SPATA31C2: variants seen among roughly 807,000 people sequenced by gnomAD.
SPATA31C2 encodes SPATA31 subfamily C member 2.
A neutral mutation model predicts 11.4 loss-of-function variants in SPATA31C2; 5 were observed. The observed-to-expected ratio is 0.44, with a 90% CI of 0.23 to 0.92. The LOEUF (loss-of-function observed/expected upper bound fraction) is 0.92. Among genes scored for constraint, SPATA31C2 ranks in the 40% least tolerant of loss-of-function variants. The pLI, the probability that SPATA31C2 is intolerant of heterozygous loss-of-function variation, is 0.24. For synonymous variants in SPATA31C2, 515 were observed against 538.7 expected (o/e 0.96, Z 0.61); for missense variants, 1,353 against 1,368.6 (o/e 0.99, Z 0.18).
Position 88,132,082 on chromosome 9 carries a change from G to C in SPATA31C2, c.955C>G (p.Leu319Val), listed in dbSNP as rs1372880427. The C allele has an allele frequency of 6.2e-7, 1 of 1,610,792 alleles. No individual in the cohort carries two copies. Among genetic ancestry groups the C allele is most frequent in the Admixed American group, 1.7e-5 (1 of 59,834 alleles). The change falls in exon 4 of 4, where the codon CTG (leucine) becomes GTG (valine). Residue 319 changes from leucine (L) to valine (V), a missense_variant. Transcript: ENST00000324915. ...GACAGGGGCTGGGCCTGGAAAAGCA[G>C]TGGGGACATTGTAGTGTCCCTTTGG... ...SRQRDTTMSP[L>V]LFQAQPLSHL...
chr9:88,135,248 C>T (rs948074920), intron 1 of SPATA31C2, among the ~76,000 whole-genome samples: 1 of 118,602 alleles, frequency 8.4e-6, no homozygotes, highest in Non-Finnish European at 1.6e-5. Flanking sequence ...TTACCTGGTT[C>T]CTTTTATCTA....
At chr9:88,134,105 G>T (rs1260349788) in intron 1 of SPATA31C2, among the ~76,000 whole-genome samples, 1 of 149,156 alleles carries the variant, frequency 6.7e-6, no homozygotes. Context: ...CACTGAGCCG[G>T]TATCGCTCCA....
chr9:88,130,894 G>C lies in SPATA31C2; in HGVS notation c.2143C>G (p.Leu715Val). The change falls in exon 4 of 4, where the codon CTG becomes GTG. Residue 715 changes from leucine (L) to valine (V), a missense_variant. Leu to Val is a conservative substitution (Grantham distance 32). This residue lies in a region of SPATA31C2 where 1,075 missense variants were observed against 992.8 expected (regional missense o/e 1.08). Coordinates refer to ENST00000324915, the MANE Select transcript of SPATA31C2 (RefSeq NM_001350978.3). ...TFLGEPPMAS[L>V]RKQVLTKPSV... ...GGTTTGGTCAGCACCTGCTTTCTCA[G>C]ACTTGCCATTGGTGGCTCTCCAAGG... 3 of 1,613,794 alleles carry C rather than the reference G, an allele frequency of 1.9e-6. No individual in the cohort carries two copies. The highest frequency in any genetic ancestry group is 2.5e-6 in the Non-Finnish European group (3 of 1,179,876).
intron 1 of SPATA31C2, among the ~76,000 whole-genome samples, chr9:88,137,894 A>T (rs1825701121): frequency 9.5e-6 from 1 of 105,570 alleles, no homozygotes; most frequent in Non-Finnish European, 1.7e-5. Flanking sequence ...CTGATGAGCC[A>T]GGGCTCAGGG....
Position 88,137,346 on chromosome 9 carries a change from C to T in SPATA31C2, c.189+912G>A, listed in dbSNP as rs572901683. Among the ~76,000 whole-genome samples, 360 of 147,434 alleles carry T rather than the reference C, an allele frequency of 2.4e-3. 23 individuals are homozygous for T. Among genetic ancestry groups the T allele is most frequent in the African/African-American group, 8.5e-3 (345 of 40,412 alleles). On this transcript the variant is annotated intron_variant, in intron 1 of 3. Transcript: ENST00000324915. The stretch of plus-strand genomic sequence containing the variant: ...TTTATTAAAAAAAAAAAGGATCAGC[C>T]GGGCGCGGTGGCTCATGCCTGTAAT...
At position 88,131,298 on chromosome 9, in the gene SPATA31C2, A is replaced by C. The variant is rs1315912262; in HGVS notation, c.1739T>G (p.Met580Arg). Residue 580 changes from methionine (M) to arginine (R), a missense_variant, in exon 4 of 4, where the codon ATG becomes AGG. Coordinates refer to ENST00000324915, the MANE Select transcript of SPATA31C2 (RefSeq NM_001350978.3). ...NHIENILKAHMSRKLGQTNEG... is the reference protein window; with the variant it reads ...NHIENILKAHRSRKLGQTNEG... ...GTTGGTCTGGCCCAACTTTCTGCTC[A>C]TGTGGGCTTTCAGGATGTTTTCTAT... 7 of 1,611,704 alleles carry C rather than the reference A, an allele frequency of 4.3e-6. No individual in the cohort carries two copies. Among genetic ancestry groups the C allele is most frequent in the Non-Finnish European group, 5.9e-6 (7 of 1,179,870 alleles).
rs1825590028 is a variant in SPATA31C2 at position 88,131,337 on chromosome 9, G to C, written c.1700C>G (p.Thr567Arg). Residue 567 changes from threonine (T) to arginine (R), a missense_variant, in exon 4 of 4, where the codon ACA becomes AGA. By Grantham distance (71) the Thr-to-Arg change is moderately conservative. Around this residue, in one of 6 missense-constraint regions of SPATA31C2, gnomAD observed 1,075 missense variants for 992.8 expected, o/e 1.08. Transcript: ENST00000324915. The part of the protein sequence containing the change: ...SDSGSDLLRR[T>R]ERNHIENILK... ...GATGTTTTCTATATGATTCCTCTCT[G>C]TGCGTCTTAATAAATCACTTCCTGA... 1.2e-6 allele frequency: 2 copies of C among 1,611,798 alleles called. No homozygotes were observed. Among genetic ancestry groups the C allele is most frequent in the Non-Finnish European group, 1.7e-6 (2 of 1,179,872 alleles).
At chr9:88,136,867 C>T (rs1318098511) in intron 1 of SPATA31C2, among the ~76,000 whole-genome samples, 3 of 128,330 alleles carry the variant, frequency 2.3e-5, no homozygotes, top group African/African-American at 9.4e-5. Context: ...ACTACCACCC[C>T]TCCACCCTGC....
In SPATA31C2 at chr9:88,130,565, A is replaced by T. The variant is rs1452151654; in HGVS notation, c.2472T>A (p.Arg824=). 4.3e-6 allele frequency: 7 copies of T among 1,613,224 alleles called. No individual in the cohort carries two copies. Among genetic ancestry groups the T allele is most frequent in the Admixed American group, 1.7e-5 (1 of 59,938 alleles). The change falls in exon 4 of 4, where the codon CGT becomes CGA. Residue 824 remains arginine (R), a synonymous_variant. Transcript: ENST00000324915. ...TGCTGGCGCCTGGAGCCTTGAAACC[A>T]CGCACATCCTCACTTGTGGCTTGGA... ...ANLQATSEDV[R]GFKAPGASKS...
At chr9:88,137,469 A>G (rs1825696338) in intron 1 of SPATA31C2, among the ~76,000 whole-genome samples, 1 of 145,656 alleles carries the variant, frequency 6.9e-6, no homozygotes, top group African/African-American at 2.5e-5. Flanking sequence ...TAAAAATACA[A>G]AAATTAGCCA....
chr9:88,129,711 C>T lies in SPATA31C2; in HGVS notation c.3326G>A (p.Ser1109Asn), dbSNP rs1825551314. The T allele has an allele frequency of 1.2e-6, 2 of 1,603,298 alleles. No individual in the cohort carries two copies. The highest frequency in any genetic ancestry group is 8.5e-7 in the Non-Finnish European group (1 of 1,173,374). ...PFYSEHSRML[S>N]YAASSQQATL... is the part of the protein sequence containing the mutation. ...GGCTTGTTGACTGCTGGCTGCATAG[C>T]TCAGCATTCTGCTGTGTTCTGAGTA... The change falls in exon 4 of 4, where the codon AGC becomes AAC. Residue 1109 changes from serine to asparagine, a missense_variant. Coordinates refer to ENST00000324915, the MANE Select transcript of SPATA31C2 (RefSeq NM_001350978.3).
At chr9:88,136,568 T>A (rs1185283375) in intron 1 of SPATA31C2, among the ~76,000 whole-genome samples, 3 of 147,158 alleles carry the variant, frequency 2.0e-5, no homozygotes, top group Non-Finnish European at 4.5e-5. Context: ...ATTAATAAAT[T>A]CTTAGAATTG....
At position 88,131,291 on chromosome 9, in the gene SPATA31C2, T is replaced by G; in HGVS notation, c.1746A>C (p.Arg582Ser). Reference sequence around the variant, plus strand: ...AGCCCTCGTTGGTCTGGCCCAACTTTCTGCTCATGTGGGCTTTCAGGATGT... The same window carrying G: ...AGCCCTCGTTGGTCTGGCCCAACTTGCTGCTCATGTGGGCTTTCAGGATGT... ...IENILKAHMSRKLGQTNEGLI... is the reference protein window; with the variant it reads ...IENILKAHMSSKLGQTNEGLI... The change falls in exon 4 of 4, where the codon AGA (arginine) becomes AGC (serine). Residue 582 changes from arginine to serine, a missense_variant. Physicochemically the swap from Arg to Ser is moderately radical, Grantham distance 110. This residue lies in a region of SPATA31C2 where 1,075 missense variants were observed against 992.8 expected (regional missense o/e 1.08). Coordinates refer to ENST00000324915, the MANE Select transcript of SPATA31C2 (RefSeq NM_001350978.3). The G allele has an allele frequency of 6.2e-7, 1 of 1,611,844 alleles. No homozygotes were observed. The highest frequency in any genetic ancestry group is 8.5e-7 in the Non-Finnish European group (1 of 1,179,872).
rs614696 is a variant in SPATA31C2, at chr9:88,130,449, T to C, written c.2588A>G (p.Lys863Arg). The C allele has an allele frequency of 6.2e-7, 1 of 1,612,814 alleles. No homozygotes were observed. Among genetic ancestry groups the C allele is most frequent in the Non-Finnish European group, 8.5e-7 (1 of 1,179,462 alleles). ...AGGCTGGGTCTCTGACTTCGTGGCCTTTCCAGGCTCAAATTCACTAACAGC... is the reference window on the plus strand; with the variant it reads ...AGGCTGGGTCTCTGACTTCGTGGCCCTTCCAGGCTCAAATTCACTAACAGC... The part of the protein sequence containing the change: ...EEAVSEFEPG[K>R]ATKSETQPQV... Residue 863 changes from lysine (K) to arginine (R), a missense_variant, in exon 4 of 4, where the codon AAG becomes AGG. By Grantham distance (26) the Lys-to-Arg change is conservative. Coordinates refer to ENST00000324915, the MANE Select transcript of SPATA31C2 (RefSeq NM_001350978.3).
chr9:88,132,242 A>G lies in SPATA31C2; in HGVS notation c.795T>C (p.Asp265=). 1 of 1,610,760 alleles carries G rather than the reference A, an allele frequency of 6.2e-7. No individual in the cohort carries two copies. The highest frequency in any genetic ancestry group is 8.5e-7 in the Non-Finnish European group (1 of 1,177,688). Residue 265 remains aspartate (D), a synonymous_variant, in exon 4 of 4, where the codon GAT becomes GAC. Coordinates refer to ENST00000324915, the MANE Select transcript of SPATA31C2 (RefSeq NM_001350978.3). Reference sequence around the variant, plus strand: ...AGATGCCTGGGACAGAAGCCGCCAAATCCTCACGTGGAGACAAGCTTTGAG... The same window carrying G: ...AGATGCCTGGGACAGAAGCCGCCAAGTCCTCACGTGGAGACAAGCTTTGAG... ...TVPQSLSPRE[D]LAASVPGISG...
rs564879465 is a variant in SPATA31C2, at chr9:88,132,159, G to A, written c.878C>T (p.Thr293Ile). The change falls in exon 4 of 4, where the codon ACC (threonine) becomes ATC (isoleucine). Residue 293 changes from threonine to isoleucine, a missense_variant. This residue lies in a region of SPATA31C2 where 1,075 missense variants were observed against 992.8 expected (regional missense o/e 1.08). Coordinates refer to ENST00000324915, the MANE Select transcript of SPATA31C2 (RefSeq NM_001350978.3). Reference sequence around the variant, plus strand: ...CGAGTTGAAGACGCACCAGGTTTTGGTAGTCTCCTGCGACCAGGAGAGGGC... The same window carrying A: ...CGAGTTGAAGACGCACCAGGTTTTGATAGTCTCCTGCGACCAGGAGAGGGC... ...VSALSWSQETTKTWCVFNSSV... is the reference protein window; with the variant it reads ...VSALSWSQETIKTWCVFNSSV... The A allele has an allele frequency of 9.3e-6, 15 of 1,610,640 alleles. No individual in the cohort carries two copies. Among genetic ancestry groups the A allele is most frequent in the African/African-American group, 6.7e-5 (5 of 74,964 alleles).
chr9:88,129,578 T>C lies in SPATA31C2; in HGVS notation c.*54A>G, dbSNP rs1437129211. Reference sequence around the variant, plus strand: ...ATACAGCTTTCTTGGGGAGCAAGAGTTGGGGATGTCGCAGGCCCCATTGCT... The same window carrying C: ...ATACAGCTTTCTTGGGGAGCAAGAGCTGGGGATGTCGCAGGCCCCATTGCT... On this transcript the variant is annotated 3_prime_UTR_variant, in exon 4 of 4. Transcript: ENST00000324915. 1 of 1,600,452 alleles carries C rather than the reference T, an allele frequency of 6.2e-7. No homozygotes were observed. Among genetic ancestry groups the C allele is most frequent in the Non-Finnish European group, 8.5e-7 (1 of 1,172,292 alleles).
Position 88,129,637 on chromosome 9 carries a change from G to A in SPATA31C2, c.3400C>T (p.Gln1134Ter). 5.6e-6 allele frequency: 9 copies of A among 1,603,026 alleles called. 1 individual carries two copies. The highest frequency in any genetic ancestry group is 3.4e-4 in the Middle Eastern group (2 of 5,960). ...RPNRDRQIRD[Q>*] ...CACCGGACACTTTTCAAGGGCTACTGATCTCTGATTTGTCTGTCTCTGTTG... is the reference window on the plus strand; with the variant it reads ...CACCGGACACTTTTCAAGGGCTACTAATCTCTGATTTGTCTGTCTCTGTTG... Residue 1134 changes from glutamine to a stop codon, truncating the protein, a stop_gained, in exon 4 of 4, where the codon CAG (glutamine) becomes TAG (stop). Transcript: ENST00000324915. LOFTEE classifies it high-confidence loss of function.
At chr9:88,135,738 C>T (rs1257714635) in intron 1 of SPATA31C2, among the ~76,000 whole-genome samples, 184 of 130,324 alleles carry the variant, frequency 1.4e-3, no homozygotes, top group Non-Finnish European at 1.7e-3. Flanking sequence ...AGGATGGCCT[C>T]GATCTCCGGA....
Sources: gnomAD v4.1 joint callset for allele counts (sites outside exome capture counted in the v4.1 genomes callset) on GRCh38, gnomAD v4.1.1 for gene constraint, gnomAD v4.1.1 regional missense constraint, MANE v1.5 for transcripts, NCBI Gene and HGNC (gene_info 2026-07-23, HGNC 2026-07-21) for gene names.